Variants in DPF3 observed in about 807,000 individuals in gnomAD.
The protein encoded by DPF3 is zinc finger protein DPF3.
A neutral mutation model predicts 56.8 loss-of-function variants in DPF3; 18 were observed. The observed-to-expected ratio is 0.32, with a 90% CI of 0.22 to 0.47. DPF3 has a LOEUF of 0.47. Ranked by LOEUF, DPF3 falls within the 20% of genes least tolerant of loss-of-function variation. The pLI is 1.00. For synonymous variants in DPF3, 188 were observed against 180.2 expected (o/e 1.04, Z -0.35); for missense variants, 403 against 488.8 (o/e 0.82, Z 1.65).
chr14:72,650,239 C>T (rs1183166056), intron 8 of DPF3, among the ~76,000 whole-genome samples: 6 of 152,200 alleles, frequency 3.9e-5, no homozygotes, highest in African/African-American at 1.4e-4. Flanking sequence ...AATAAAGGCC[C>T]TCCCTGAATG....
Position 72,674,342 on chromosome 14 carries a change from T to A in DPF3, c.769A>T (p.Ile257Phe), listed in dbSNP as rs1263100309. 6.2e-7 allele frequency: 1 copy of A among 1,612,988 alleles called. No homozygotes were observed. The highest frequency in any genetic ancestry group is 1.3e-5 in the African/African-American group (1 of 74,876). ...CAGAAGTCACAGTAGTTATTGGGAA[T>A]GACTGTTCCATCCGGTCCTTTCTGG... ...RPQKGPDGTV[I>F]PNNYCDFCLG... The change falls in exon 8 of 11, where the codon ATT becomes TTT. Residue 257 changes from isoleucine (I) to phenylalanine (F), a missense_variant. By Grantham distance (21) the Ile-to-Phe change is conservative. Coordinates refer to ENST00000556509, the MANE Select transcript of DPF3 (RefSeq NM_001280542.3).
chr14:72,849,501 C>G (rs1224740044), intron 1 of DPF3, among the ~76,000 whole-genome samples: 1 of 152,212 alleles, frequency 6.6e-6, no homozygotes, highest in Admixed American at 6.5e-5. Flanking sequence ...TCCTGCCTGT[C>G]TTTGTGTACA....
intron 3 of DPF3, among the ~76,000 whole-genome samples, chr14:72,747,714 G>T (rs1324578075): frequency 6.6e-6 from 1 of 152,038 alleles, no homozygotes; most frequent in East Asian, 1.9e-4. Context: ...ATTCCCACGT[G>T]GGAGGGACCC....
chr14:72,672,663 G>C (rs1476041963), intron 8 of DPF3, among the ~76,000 whole-genome samples: 1 of 152,042 alleles, frequency 6.6e-6, no homozygotes, highest in Non-Finnish European at 1.5e-5. Flanking sequence ...GCTTTGCATA[G>C]AAAAAAACAA....
chr14:72,885,878 G>T (rs1476168967), intron 1 of DPF3, among the ~76,000 whole-genome samples: 1 of 152,224 alleles, frequency 6.6e-6, no homozygotes, highest in East Asian at 1.9e-4. Context: ...ATCAAGTTCT[G>T]ACTATGCTAC....
intron 3 of DPF3, among the ~76,000 whole-genome samples, chr14:72,741,429 TCC>T (rs1890116930): frequency 6.6e-6 from 1 of 152,192 alleles, no homozygotes; most frequent in Non-Finnish European, 1.5e-5. Flanking sequence ...GTGCCTGTCC[TCC>T]TGCAGAGCAA....
At chr14:72,762,729 T>G (rs116629922) in intron 2 of DPF3, among the ~76,000 whole-genome samples, 1,652 of 152,066 alleles carry the variant, frequency 0.011, 28 homozygotes, top group African/African-American at 0.038. Context: ...CCTAATATTA[T>G]GTTGGAGAGT....
chr14:72,620,430 A>G (rs1884360756), intron 9 of DPF3, among the ~76,000 whole-genome samples: 1 of 152,192 alleles, frequency 6.6e-6, no homozygotes, highest in African/African-American at 2.4e-5. Flanking sequence ...CAACAGCTGT[A>G]CTGGGATGAA....
intron 6 of DPF3, among the ~76,000 whole-genome samples, chr14:72,707,649 G>A (rs570225009): frequency 3.3e-5 from 5 of 151,640 alleles, no homozygotes; most frequent in Admixed American, 1.3e-4. Flanking sequence ...AAAATGGTAC[G>A]TATCATTTCT....
In DPF3 at chr14:72,802,141, G is replaced by A. The variant is rs1399172977; in HGVS notation, c.33-30248C>T. On this transcript the variant is annotated intron_variant, in intron 1 of 10. Transcript: ENST00000556509. Reference sequence around the variant, plus strand: ...TCACACAGGGACAGCTGGGTGTGCAGGGCCATCACAGCTCCCCCTACCCCC... The same window carrying A: ...TCACACAGGGACAGCTGGGTGTGCAAGGCCATCACAGCTCCCCCTACCCCC... Among the ~76,000 whole-genome samples, 3 of 151,666 alleles carry A rather than the reference G, an allele frequency of 2.0e-5. No individual in the cohort carries two copies. The East Asian group carries it at 5.8e-4, about 29-fold the overall frequency.
At chr14:72,830,028 G>A (rs1406397265) in intron 1 of DPF3, among the ~76,000 whole-genome samples, 2 of 152,200 alleles carry the variant, frequency 1.3e-5, no homozygotes, top group Admixed American at 6.5e-5. Flanking sequence ...TTACAGGCGT[G>A]AGCCACCATG....
At chr14:72,864,843 A>G (rs936105280) in intron 1 of DPF3, among the ~76,000 whole-genome samples, 3 of 152,250 alleles carry the variant, frequency 2.0e-5, no homozygotes, top group African/African-American at 7.2e-5. Context: ...AGCTCCTGCC[A>G]GTGTCCCCAC....
chr14:72,696,915 T>C (rs1377809039), intron 6 of DPF3, among the ~76,000 whole-genome samples: 1 of 152,212 alleles, frequency 6.6e-6, no homozygotes, highest in Non-Finnish European at 1.5e-5. Context: ...GTGATTCTGA[T>C]GCACACTAAA....
At chr14:72,650,488 T>C (rs967493365) in intron 8 of DPF3, among the ~76,000 whole-genome samples, 3 of 152,184 alleles carry the variant, frequency 2.0e-5, no homozygotes, top group Non-Finnish European at 2.9e-5. Flanking sequence ...CAGGAGATCT[T>C]GGCGATGGCT....
chr14:72,694,124 G>GCC, intron 6 of DPF3, among the ~76,000 whole-genome samples: 1 of 152,334 alleles, frequency 6.6e-6, no homozygotes, highest in South Asian at 2.1e-4. Context: ...CAGTTCCTGG[G>GCC]AAGCAGAAGT....
intron 2 of DPF3, among the ~76,000 whole-genome samples, chr14:72,767,760 CAAAAA>C (rs372452441): frequency 0.12 from 9,019 of 72,594 alleles, 533 homozygotes; most frequent in South Asian, 0.3. Flanking sequence ...CCAAATTTGG[CAAAAA>C]AAAAAAAAAA....
At chr14:72,784,678 G>A (rs1215951047) in intron 1 of DPF3, among the ~76,000 whole-genome samples, 1 of 152,180 alleles carries the variant, frequency 6.6e-6, no homozygotes, top group South Asian at 2.1e-4. Flanking sequence ...TTGAAAATGG[G>A]CCAGGCACAG....
intron 9 of DPF3, among the ~76,000 whole-genome samples, chr14:72,628,277 G>C (rs1170435258): frequency 1.3e-5 from 2 of 151,988 alleles, no homozygotes; most frequent in Non-Finnish European, 2.9e-5. Flanking sequence ...ATCATGTTAA[G>C]AAGATATCCC....
rs757694376 is a variant in DPF3 at position 72,614,777 on chromosome 14, G to GAAAAA, written c.*4515_*4519dup. On this transcript the variant is annotated 3_prime_UTR_variant, in exon 11 of 11. Coordinates refer to ENST00000556509, the MANE Select transcript of DPF3 (RefSeq NM_001280542.3). ...CTGTTGCCCAGGATCACAAGCCTCA[G>GAAAAA]AAAAAAAAAAAAGAGTTACAATCAC... Among the ~76,000 whole-genome samples, 264 of 96,054 alleles carry GAAAAA rather than the reference G, an allele frequency of 2.7e-3. 5 individuals are homozygous for GAAAAA. The highest frequency in any genetic ancestry group is 5.2e-3 in the African/African-American group (111 of 21,432). 63.0% of individuals were successfully genotyped at this position (96,054 alleles called of 152,430 possible).
Sources: allele counts gnomAD v4.1 joint callset (sites outside exome capture counted in the v4.1 genomes callset), GRCh38; gene constraint gnomAD v4.1.1; transcripts MANE v1.5; gene names NCBI Gene and HGNC (gene_info 2026-07-23, HGNC 2026-07-21).